SNX2: variants seen among roughly 807,000 people sequenced by gnomAD.
SNX2 encodes the protein sorting nexin 2, also known as sorting nexin-2.
A neutral mutation model predicts 69.9 loss-of-function variants in SNX2; 25 were observed. The ratio of observed to expected loss-of-function variants is 0.36; its 90% CI spans 0.26 to 0.50. SNX2 has a LOEUF of 0.50. SNX2 is among the 20% of genes least tolerant of loss of function. The probability of loss-of-function intolerance (pLI) is 0.97; values close to 1 mark genes in which losing one functional copy is unlikely to be tolerated. For synonymous variants in SNX2, 229 were observed against 200.4 expected, an observed-to-expected ratio of 1.14 and a Z score of -1.20; for missense variants, 551 against 613.3, an observed-to-expected ratio of 0.90 and a Z score of 1.07.
rs376996335 is a variant in SNX2, at chr5:122,831,057, T to C, written c.*1409T>C. Among the ~76,000 whole-genome samples the C allele has an allele frequency of 6.6e-5, 10 of 152,004 alleles. No individual in the cohort carries two copies. The East Asian group carries it at 7.7e-4, about 12-fold the overall frequency. On this transcript the variant is annotated 3_prime_UTR_variant, in exon 15 of 15. Transcript: ENST00000379516. ...AAGATGACTGGTGTCAGAGCTATTT[T>C]TGTTTTTTAAAAAATATTCTTACAA...
chr5:122,790,055 A>C (rs1753194128), intron 1 of SNX2, among the ~76,000 whole-genome samples: 1 of 152,214 alleles, frequency 6.6e-6, no homozygotes, highest in Non-Finnish European at 1.5e-5. Context: ...TTCTCATCCA[A>C]GGTCTCTCAT....
intron 11 of SNX2, among the ~76,000 whole-genome samples, chr5:122,824,091 A>C (rs1035581269): frequency 6.6e-5 from 10 of 151,644 alleles, no homozygotes; most frequent in African/African-American, 2.4e-4. Flanking sequence ...AGTCCCAGCT[A>C]CTCAGGAGGC....
chr5:122,827,810 C>CTATCTCACGTGTTTTTTTTTT (rs1754188349), intron 14 of SNX2, 164 bp downstream of exon 14: 5 of 553,770 alleles, frequency 9.0e-6, no homozygotes, highest in Non-Finnish European at 1.6e-5. Context: ...TAATCGGAAA[C>CTATCTCACGTGTTTTTTTTTT]TATCTCACGT....
intron 1 of SNX2, among the ~76,000 whole-genome samples, chr5:122,790,121 T>C (rs191612384): frequency 6.6e-5 from 10 of 152,202 alleles, no homozygotes; most frequent in Admixed American, 6.5e-4. Flanking sequence ...CTGAGGAGGA[T>C]CCACTTTTTC....
At chr5:122,794,775 A>T (rs1371284972) in intron 1 of SNX2, among the ~76,000 whole-genome samples, 1 of 152,098 alleles carries the variant, frequency 6.6e-6, no homozygotes, top group East Asian at 1.9e-4. Context: ...TAATCCCAGC[A>T]CTTTGGGAGG....
At position 122,799,397 on chromosome 5, in the gene SNX2, A is replaced by G. The variant is rs115386674; in HGVS notation, c.227-295A>G. Reference sequence around the variant, plus strand: ...ACAAGTATAAGTTGTTACAAATCCAAACATGAATGTGGAATCATCTGCATC... The same window carrying G: ...ACAAGTATAAGTTGTTACAAATCCAGACATGAATGTGGAATCATCTGCATC... On this transcript the variant is annotated intron_variant, in intron 2 of 14. Coordinates refer to ENST00000379516, the MANE Select transcript of SNX2 (RefSeq NM_003100.4). 8.2e-3 allele frequency among the ~76,000 whole-genome samples: 1,253 copies of G among 152,260 alleles called. 16 individuals are homozygous for G. The highest frequency in any genetic ancestry group is 0.029 in the African/African-American group (1,186 of 41,528).
chr5:122,796,833 A>G (rs1753389973), intron 2 of SNX2, among the ~76,000 whole-genome samples: 1 of 152,122 alleles, frequency 6.6e-6, no homozygotes, highest in Non-Finnish European at 1.5e-5. Flanking sequence ...TGTACATGCA[A>G]GGTTTTTTTT....
intron 6 of SNX2, among the ~76,000 whole-genome samples, chr5:122,807,683 A>C (rs1408844909): frequency 6.6e-6 from 1 of 152,342 alleles, no homozygotes; most frequent in South Asian, 2.1e-4. Context: ...AGTAATTAAC[A>C]TGACTTATTT....
Position 122,795,384 on chromosome 5 carries a change from G to T in SNX2, c.226+1G>T. 1 of 1,580,566 alleles carries T rather than the reference G, an allele frequency of 6.3e-7. No individual in the cohort carries two copies. Among genetic ancestry groups the T allele is most frequent in the South Asian group, 1.1e-5 (1 of 89,528 alleles). ...GATGACAGAGAAGATCTTTTTGCAG[G>T]TAATTGTCATGTATTTATTTTTTAA... On this transcript the variant is annotated splice_donor_variant, in intron 2 of 14. Coordinates refer to ENST00000379516, the MANE Select transcript of SNX2 (RefSeq NM_003100.4). LOFTEE classifies it high-confidence loss of function.
rs1322103367 is a variant in SNX2 at position 122,834,294 on chromosome 5, C to T, written c.*4646C>T. The stretch of plus-strand genomic sequence containing the variant: ...TGCACATGAAGTAATTTAAAATGCT[C>T]TTCTTCCTTTCTTGTCACATACTTT... On this transcript the variant is annotated 3_prime_UTR_variant, in exon 15 of 15. Transcript: ENST00000379516. 1 of 151,824 alleles carries T rather than the reference C, an allele frequency of 6.6e-6. No homozygotes were observed. Among genetic ancestry groups the T allele is most frequent in the African/African-American group, 2.4e-5 (1 of 41,410 alleles). The allele number at this position is 151,824 out of a possible 1,614,324, so 9.4% of individuals were successfully genotyped here.
chr5:122,834,257 C>G lies in SNX2; in HGVS notation c.*4609C>G, dbSNP rs1344740703. 2 of 152,032 alleles carry G rather than the reference C, an allele frequency of 1.3e-5. No individual in the cohort carries two copies. Among genetic ancestry groups the G allele is most frequent in the African/African-American group, 4.8e-5 (2 of 41,446 alleles). 9.4% of individuals were successfully genotyped at this position (152,032 alleles called of 1,614,324 possible). A position where few individuals can be genotyped will look rare whatever the true frequency, so the allele number is the denominator to read the frequency against. On this transcript the variant is annotated 3_prime_UTR_variant, in exon 15 of 15. Transcript: ENST00000379516. Reference sequence around the variant, plus strand: ...AGATAGGGAAGCTGTAGTTTACTATCTAGTTTTTTAATGCACATGAAGTAA... The same window carrying G: ...AGATAGGGAAGCTGTAGTTTACTATGTAGTTTTTTAATGCACATGAAGTAA...
chr5:122,814,749 A>AG (rs1753862053), intron 7 of SNX2, among the ~76,000 whole-genome samples: 3 of 45,088 alleles, frequency 6.7e-5, no homozygotes, highest in South Asian at 6.2e-4. Flanking sequence ...GAAAGATAGC[A>AG]GGTTTTTTTT....
At chr5:122,775,060 G>A (rs1449314939), upstream of SNX2, 1 of 1,541,852 alleles carries the variant, frequency 6.5e-7, no homozygotes, top group Non-Finnish European at 8.8e-7. Flanking sequence ...CTCACGTGAC[G>A]GGTCCGCGAG....
chr5:122,809,181 A>G (rs939895332), intron 7 of SNX2, among the ~76,000 whole-genome samples: 2 of 152,158 alleles, frequency 1.3e-5, no homozygotes, highest in Non-Finnish European at 2.9e-5. Context: ...AGGTATTATA[A>G]GTCTAGAGAT....
At chr5:122,794,480 C>T (rs754719688) in intron 1 of SNX2, among the ~76,000 whole-genome samples, 1 of 152,164 alleles carries the variant, frequency 6.6e-6, no homozygotes, top group Non-Finnish European at 1.5e-5. Context: ...CTTTGAACTT[C>T]TTGGACATGC....
intron 6 of SNX2, among the ~76,000 whole-genome samples, chr5:122,806,221 A>G (rs1048869863): frequency 6.6e-6 from 1 of 152,016 alleles, no homozygotes; most frequent in Non-Finnish European, 1.5e-5. Context: ...CAGTTTATAT[A>G]TAGAGAAATT....
chr5:122,833,111 C>A lies in SNX2; in HGVS notation c.*3463C>A, dbSNP rs941980948. On this transcript the variant is annotated 3_prime_UTR_variant, in exon 15 of 15. Transcript: ENST00000379516. ...GAAAAGAGACAATAGAATCACCCAC[C>A]CTCCCTTCGACACACACTTCCTTAT... 2.0e-5 allele frequency: 3 copies of A among 152,068 alleles called. No individual in the cohort carries two copies. The highest frequency in any genetic ancestry group is 7.2e-5 in the African/African-American group (3 of 41,390). 9.4% of individuals were successfully genotyped at this position (152,068 alleles called of 1,614,324 possible). A position where few individuals can be genotyped will look rare whatever the true frequency, so the allele number is the denominator to read the frequency against.
At chr5:122,828,085 T>C (rs1447992507) in intron 14 of SNX2, 1 of 152,750 alleles carries the variant, frequency 6.5e-6, no homozygotes, top group Non-Finnish European at 1.5e-5. Context: ...GGGTTGGTGG[T>C]GGTTGAATGC....
rs370849778 is a variant in SNX2 at position 122,815,990 on chromosome 5, A to T, written c.798+19A>T. The T allele has an allele frequency of 1.3e-5, 18 of 1,334,706 alleles. No homozygotes were observed. The highest frequency in any genetic ancestry group is 1.7e-5 in the Non-Finnish European group (16 of 942,196). 82.7% of individuals were successfully genotyped at this position (1,334,706 alleles called of 1,614,324 possible). On this transcript the variant is annotated intron_variant, in intron 8 of 14. Transcript: ENST00000379516. ...TTCAGAGGTATTATTTCTATATTAA[A>T]TGTTTGTATATGAATGTTCTCGTTA...
Sources: allele counts gnomAD v4.1 joint callset (sites outside exome capture counted in the v4.1 genomes callset), GRCh38; gene constraint gnomAD v4.1.1; transcripts MANE v1.5; gene names NCBI Gene and HGNC (gene_info 2026-07-23, HGNC 2026-07-21).